The following CDS1 variants were observed in gnomAD, a reference collection of about 807,000 sequenced individuals.
CDS1 encodes phosphatidate cytidylyltransferase 1.
Under a neutral mutation model 62.1 loss-of-function variants are expected in CDS1, and 41 were observed. The ratio of observed to expected loss-of-function variants is 0.66; its 90% CI spans 0.51 to 0.86. The LOEUF is 0.86. Among genes scored for constraint, CDS1 ranks in the 40% least tolerant of loss-of-function variants. The probability of loss-of-function intolerance (pLI) is 0.00; values close to 1 mark genes in which losing one functional copy is unlikely to be tolerated. For missense variants in CDS1, 470 were observed against 550.1 expected (o/e 0.85, Z 1.46); for synonymous variants, 185 against 192.6 (o/e 0.96, Z 0.32).
intron 1 of CDS1, among the ~76,000 whole-genome samples, chr4:84,598,470 T>G (rs937594824): frequency 6.6e-6 from 1 of 151,814 alleles, no homozygotes; most frequent in Non-Finnish European, 1.5e-5. Flanking sequence ...AACGTGCAGG[T>G]TTGTTACATA....
At chr4:84,583,541 G>T in intron 1 of CDS1, 23 bp downstream of exon 1, 2 of 1,407,630 alleles carry the variant, frequency 1.4e-6, no homozygotes, top group South Asian at 1.3e-5. Flanking sequence ...GAGAGAGGCG[G>T]ACGCCGCGCC....
rs554963855 is a variant in CDS1 at position 84,602,490 on chromosome 4, T to G, written c.118-1753T>G. Among the ~76,000 whole-genome samples the G allele has an allele frequency of 7.9e-5, 12 of 152,278 alleles. No individual in the cohort carries two copies. In the East Asian group the frequency reaches 2.1e-3, roughly 27 times the overall value. On this transcript the variant is annotated intron_variant, in intron 1 of 12. Coordinates refer to ENST00000295887, the MANE Select transcript of CDS1 (RefSeq NM_001263.4). ...ACCAAGGCCTGAGTTTCCTTCAGAT[T>G]AAGTGATTTGCTGTTTGTCTCACTG...
At chr4:84,621,844 T>G (rs1278647128) in intron 5 of CDS1, among the ~76,000 whole-genome samples, 1 of 152,238 alleles carries the variant, frequency 6.6e-6, no homozygotes, top group Non-Finnish European at 1.5e-5. Context: ...GAAAAATTTC[T>G]ACTCTTTTAC....
At chr4:84,584,757 T>C (rs1018623445) in intron 1 of CDS1, among the ~76,000 whole-genome samples, 4 of 152,214 alleles carry the variant, frequency 2.6e-5, no homozygotes, top group Admixed American at 2.0e-4. Context: ...CTTTTCCCCT[T>C]ACCCTTGATA....
In CDS1 at chr4:84,608,840, C is replaced by T. The variant is rs112033178; in HGVS notation, c.246-589C>T. On this transcript the variant is annotated intron_variant, in intron 2 of 12. Coordinates refer to ENST00000295887, the MANE Select transcript of CDS1 (RefSeq NM_001263.4). ...TTTCACATCCACCCTGACCACCTAA[C>T]GTCCTAACCTCACGGTTTATTCCCC... 6.1e-3 allele frequency among the ~76,000 whole-genome samples: 921 copies of T among 152,142 alleles called. 3 individuals carry two copies. Among genetic ancestry groups the T allele is most frequent in the African/African-American group, 0.019 (776 of 41,520 alleles).
At chr4:84,595,530 CCT>C (rs1722722972) in intron 1 of CDS1, among the ~76,000 whole-genome samples, 1 of 152,170 alleles carries the variant, frequency 6.6e-6, no homozygotes. Flanking sequence ...GATGCAACCA[CCT>C]TTTTTTCCCC....
intron 10 of CDS1, among the ~76,000 whole-genome samples, chr4:84,642,186 G>A (rs146814785): frequency 2.6e-5 from 4 of 152,092 alleles, no homozygotes; most frequent in South Asian, 2.1e-4. Context: ...TTAGCCAGTC[G>A]TGGTGGCATA....
chr4:84,646,361 T>C (rs186848121), intron 12 of CDS1, among the ~76,000 whole-genome samples: 121 of 152,334 alleles, frequency 7.9e-4, no homozygotes, highest in African/African-American at 2.5e-3. Context: ...TCTGCCTTTT[T>C]TAAATGTTCA....
At chr4:84,629,357 G>GA (rs1405575771) in intron 5 of CDS1, among the ~76,000 whole-genome samples, 2,359 of 112,066 alleles carry the variant, frequency 0.021, 32 homozygotes, top group African/African-American at 0.056. Context: ...AAAATACTCT[G>GA]AAAAAAAAAA....
chr4:84,586,067 G>GT (rs1722408972), intron 1 of CDS1, among the ~76,000 whole-genome samples: 1 of 152,102 alleles, frequency 6.6e-6, no homozygotes, highest in South Asian at 2.1e-4. Flanking sequence ...GACGTGTTGG[G>GT]TTTTTTCTTG....
intron 12 of CDS1, among the ~76,000 whole-genome samples, chr4:84,647,133 C>T (rs1195548658): frequency 6.6e-6 from 1 of 152,088 alleles, no homozygotes; most frequent in East Asian, 1.9e-4. Flanking sequence ...TTATTTTTAA[C>T]ATTCCCTTTT....
In CDS1 at chr4:84,583,454, C is replaced by G. The variant is rs1255574180; in HGVS notation, c.53C>G (p.Ser18Trp). The change falls in exon 1 of 13, where the codon TCG becomes TGG. Residue 18 changes from serine (S) to tryptophan (W), a missense_variant. Physicochemically the swap from Ser to Trp is radical, Grantham distance 177. Coordinates refer to ENST00000295887, the MANE Select transcript of CDS1 (RefSeq NM_001263.4). Reference sequence around the variant, plus strand: ...TGCCCCGGCCCCAGGGAAGCGGTGTCGCCGCCACACCGCGAGGGAGAGGCG... The same window carrying G: ...TGCCCCGGCCCCAGGGAAGCGGTGTGGCCGCCACACCGCGAGGGAGAGGCG... ...GSCPGPREAV[S>W]PPHREGEAAG... 3 of 1,584,446 alleles carry G rather than the reference C, an allele frequency of 1.9e-6. No individual in the cohort carries two copies. Among genetic ancestry groups the G allele is most frequent in the Non-Finnish European group, 2.6e-6 (3 of 1,166,898 alleles).
rs769820812 is a variant in CDS1, at chr4:84,604,362, A to G, written c.237A>G (p.Leu79=). ...PEILKKALSG[L]SSRWKNWWIR... ...TTCTCAAAAAAGCTCTATCTGGTTT[A>G]TCTTCAAGGTATGATTGGATGAAGA... is the stretch of plus-strand genomic sequence containing the variant. The change falls in exon 2 of 13, where the codon TTA becomes TTG. Residue 79 remains leucine, a synonymous_variant. Coordinates refer to ENST00000295887, the MANE Select transcript of CDS1 (RefSeq NM_001263.4). 26 of 1,613,078 alleles carry G rather than the reference A, an allele frequency of 1.6e-5. No individual in the cohort carries two copies. The highest frequency in any genetic ancestry group is 2.0e-5 in the Non-Finnish European group (24 of 1,179,530).
intron 2 of CDS1, among the ~76,000 whole-genome samples, chr4:84,609,074 GA>G (rs1464202451): frequency 6.6e-6 from 1 of 151,280 alleles, no homozygotes; most frequent in Non-Finnish European, 1.5e-5. Flanking sequence ...AGCTACTCGG[GA>G]GGCTGAGGCA....
intron 3 of CDS1, among the ~76,000 whole-genome samples, chr4:84,610,853 C>A (rs1244132680): frequency 6.6e-6 from 1 of 152,144 alleles, no homozygotes; most frequent in Non-Finnish European, 1.5e-5. Flanking sequence ...GCCATACCAT[C>A]TAGGTTTTGT....
chr4:84,623,955 G>A (rs115506709), intron 5 of CDS1, among the ~76,000 whole-genome samples: 2,125 of 152,160 alleles, frequency 0.014, 18 homozygotes, highest in Non-Finnish European at 0.023. Context: ...CATGCCAGGA[G>A]CCAGGTGTTT....
chr4:84,594,538 G>T (rs1190868600), intron 1 of CDS1, among the ~76,000 whole-genome samples: 1 of 151,956 alleles, frequency 6.6e-6, no homozygotes, highest in Non-Finnish European at 1.5e-5. Flanking sequence ...ATATACCAAA[G>T]AAGTATATTT....
intron 10 of CDS1, among the ~76,000 whole-genome samples, chr4:84,642,813 C>T (rs1163199234): frequency 3.3e-5 from 5 of 152,172 alleles, no homozygotes; most frequent in African/African-American, 1.2e-4. Flanking sequence ...ATTATTCTTA[C>T]AGAGAGAAGG....
chr4:84,608,161 G>A (rs188951555), intron 2 of CDS1, among the ~76,000 whole-genome samples: 75 of 152,276 alleles, frequency 4.9e-4, no homozygotes, highest in African/African-American at 1.7e-3. Context: ...GCAAAGAAAG[G>A]CCCAAGGATA....
Sources: allele counts gnomAD v4.1 joint callset (sites outside exome capture counted in the v4.1 genomes callset), GRCh38; gene constraint gnomAD v4.1.1; transcripts MANE v1.5; gene names NCBI Gene and HGNC (gene_info 2026-07-23, HGNC 2026-07-21).